SIK2: variants seen among roughly 807,000 people sequenced by gnomAD.
The protein encoded by SIK2 is serine/threonine-protein kinase SIK2.
A neutral mutation model predicts 103.2 loss-of-function variants in SIK2; 29 were observed. The observed-to-expected ratio is 0.28, with a 90% CI of 0.21 to 0.38. The LOEUF is 0.38. SIK2 is among the 10% of genes least tolerant of loss of function. The pLI is 1.00. For synonymous variants in SIK2, 412 were observed against 446.1 expected, an observed-to-expected ratio of 0.92 and a Z score of 0.96; for missense variants, 879 against 1,171.0, an observed-to-expected ratio of 0.75 and a Z score of 3.64.
chr11:111,650,884 G>A (rs1942317980), intron 3 of SIK2, among the ~76,000 whole-genome samples: 1 of 152,092 alleles, frequency 6.6e-6, no homozygotes, highest in Admixed American at 6.6e-5. Flanking sequence ...GGTCTTAGTA[G>A]GCATGAGTTT....
chr11:111,675,167 T>G (rs1420161166), intron 3 of SIK2, among the ~76,000 whole-genome samples: 1 of 152,170 alleles, frequency 6.6e-6, no homozygotes, highest in Non-Finnish European at 1.5e-5. Context: ...ATAATTGGGT[T>G]CAGATCTACT....
At chr11:111,603,986 T>C (rs1941617076) in intron 1 of SIK2, among the ~76,000 whole-genome samples, 1 of 152,272 alleles carries the variant, frequency 6.6e-6, no homozygotes, top group South Asian at 2.1e-4. Context: ...AAGGGGTATA[T>C]GTCATTCTGT....
chr11:111,605,369 G>A lies in SIK2; in HGVS notation c.135+2671G>A, dbSNP rs192538393. On this transcript the variant is annotated intron_variant, in intron 1 of 14. Transcript: ENST00000304987. ...GTTCATTCACTGGATAAATGTTTGT[G>A]TGTTTTTGATAAATACAACTACCTT... Among the ~76,000 whole-genome samples, 374 of 152,204 alleles carry A rather than the reference G, an allele frequency of 2.5e-3. 1 individual carries two copies. Among genetic ancestry groups the A allele is most frequent in the Non-Finnish European group, 4.3e-3 (294 of 67,994 alleles).
chr11:111,625,517 G>T (rs996321234), intron 3 of SIK2, among the ~76,000 whole-genome samples: 1 of 152,180 alleles, frequency 6.6e-6, no homozygotes, highest in South Asian at 2.1e-4. Context: ...GAAACTAGCA[G>T]AAGAGACAGA....
chr11:111,646,309 TGTG>T (rs1942256864), intron 3 of SIK2, among the ~76,000 whole-genome samples: 1 of 151,720 alleles, frequency 6.6e-6, no homozygotes, highest in South Asian at 2.1e-4. Flanking sequence ...ATTAGCTAGG[TGTG>T]GTGGCGCATG....
At chr11:111,624,007 C>A (rs1941928821) in intron 3 of SIK2, among the ~76,000 whole-genome samples, 1 of 152,176 alleles carries the variant, frequency 6.6e-6, no homozygotes, top group Non-Finnish European at 1.5e-5. Flanking sequence ...GGTTCACTTT[C>A]CTTTGCCTGA....
At position 111,673,049 on chromosome 11, in the gene SIK2, C is replaced by G. The variant is rs117784731; in HGVS notation, c.317-14952C>G. On this transcript the variant is annotated intron_variant, in intron 3 of 14. Coordinates refer to ENST00000304987, the MANE Select transcript of SIK2 (RefSeq NM_015191.3). ...TAACTGGTTAACTACACTTGTGGTT[C>G]AAGACTAACCACTTAAACCACCTGG... Among the ~76,000 whole-genome samples the G allele has an allele frequency of 6.6e-3, 1,010 of 152,268 alleles. 8 individuals carry two copies. Among genetic ancestry groups the G allele is most frequent in the Middle Eastern group, 0.061 (18 of 294 alleles).
At chr11:111,678,484 A>T (rs537818187) in intron 3 of SIK2, among the ~76,000 whole-genome samples, 2 of 152,226 alleles carry the variant, frequency 1.3e-5, no homozygotes, top group Admixed American at 6.5e-5. Context: ...TTGACCTGAA[A>T]AAAAGTCAGG....
intron 4 of SIK2, among the ~76,000 whole-genome samples, chr11:111,693,142 G>T (rs1243102535): frequency 6.6e-6 from 1 of 152,048 alleles, no homozygotes; most frequent in African/African-American, 2.4e-5. Flanking sequence ...GACCATCCTG[G>T]CCAACATGGT....
chr11:111,619,346 C>G (rs1386724653), intron 2 of SIK2, among the ~76,000 whole-genome samples: 2 of 152,050 alleles, frequency 1.3e-5, no homozygotes, highest in African/African-American at 4.8e-5. Flanking sequence ...AATTGTTCAT[C>G]TTGAATCTAA....
chr11:111,668,177 G>GGGGGGTGT (rs72041846), intron 3 of SIK2, among the ~76,000 whole-genome samples: 5 of 129,858 alleles, frequency 3.9e-5, no homozygotes, highest in African/African-American at 1.1e-4. Flanking sequence ...ACTAAAGTAA[G>GGGGGGTGT]GAGTGTGTGT....
At chr11:111,612,915 G>GGTATATAT (rs1941745503) in intron 1 of SIK2, among the ~76,000 whole-genome samples, 1 of 50,028 alleles carries the variant, frequency 2.0e-5, no homozygotes, top group African/African-American at 6.3e-5. Flanking sequence ...ATAGCAATGG[G>GGTATATAT]ATATATATAT....
At chr11:111,687,208 T>C (rs1942857516) in intron 3 of SIK2, among the ~76,000 whole-genome samples, 1 of 152,104 alleles carries the variant, frequency 6.6e-6, no homozygotes, top group Non-Finnish European at 1.5e-5. Context: ...TGGACTCCAG[T>C]GAAATATGAT....
Position 111,720,591 on chromosome 11 carries a change from G to A in SIK2, c.1609G>A (p.Asp537Asn). 6.2e-7 allele frequency: 1 copy of A among 1,614,066 alleles called. No individual in the cohort carries two copies. Among genetic ancestry groups the A allele is most frequent in the Non-Finnish European group, 8.5e-7 (1 of 1,180,010 alleles). ...NFLEDNPSLKDIMLANQPSPR... is the reference protein window; with the variant it reads ...NFLEDNPSLKNIMLANQPSPR... ...TCTGGAAGACAACCCTTCCCTTAAG[G>A]ACATCATGTTAGCCAATCAGCCTTC... Residue 537 changes from aspartate (D) to asparagine (N), a missense_variant, in exon 11 of 15, where the codon GAC becomes AAC. This residue lies in a region of SIK2 where 222 missense variants were observed against 258.0 expected (regional missense o/e 0.86). Transcript: ENST00000304987.
intron 9 of SIK2, 114 bp downstream of exon 9, chr11:111,712,489 G>A: frequency 9.0e-7 from 1 of 1,108,286 alleles, no homozygotes; most frequent in Non-Finnish European, 1.3e-6. Flanking sequence ...AAGTCACTCA[G>A]GAGTGATGCT....
Position 111,724,665 on chromosome 11 carries a change from A to T in SIK2, c.*536A>T, listed in dbSNP as rs1353823013. On this transcript the variant is annotated 3_prime_UTR_variant, in exon 15 of 15. Coordinates refer to ENST00000304987, the MANE Select transcript of SIK2 (RefSeq NM_015191.3). Reference sequence around the variant, plus strand: ...TTGAATCCTAAGTTCTTAGCTGCTGATGCAAGTTGTCCCCCAAGGCCATCA... The same window carrying T: ...TTGAATCCTAAGTTCTTAGCTGCTGTTGCAAGTTGTCCCCCAAGGCCATCA... 1 of 156,922 alleles carries T rather than the reference A, an allele frequency of 6.4e-6. No individual in the cohort carries two copies. Among genetic ancestry groups the T allele is most frequent in the African/African-American group, 2.4e-5 (1 of 41,474 alleles). 9.7% of individuals were successfully genotyped at this position (156,922 alleles called of 1,614,324 possible).
intron 3 of SIK2, among the ~76,000 whole-genome samples, chr11:111,684,073 C>A (rs2135890168): frequency 6.6e-6 from 1 of 152,130 alleles, no homozygotes; most frequent in South Asian, 2.1e-4. Flanking sequence ...GAATTTAGAC[C>A]ATTTTTCTCA....
chr11:111,602,959 C>T lies in SIK2; in HGVS notation c.135+261C>T, dbSNP rs1242952778. On this transcript the variant is annotated intron_variant, in intron 1 of 14. Transcript: ENST00000304987. This position sits in a 1 kb window ranked among gnomAD's most constrained non-coding sequence, Gnocchi z 4.5. ...CGGGGCTTTGCTTTCCCCTACGCCA[C>T]CCCCGGTGGCCACCCGGAATTTCGC... Among the ~76,000 whole-genome samples the T allele has an allele frequency of 6.6e-6, 1 of 152,124 alleles. No homozygotes were observed.
chr11:111,667,487 T>TC lies in SIK2; in HGVS notation c.317-20513dup, dbSNP rs1942561167. Among the ~76,000 whole-genome samples, 3 of 135,908 alleles carry TC rather than the reference T, an allele frequency of 2.2e-5. No homozygotes were observed. The Admixed American group carries it at 2.5e-4, about 11-fold the overall frequency. 89.2% of individuals were successfully genotyped at this position (135,908 alleles called of 152,430 possible). A position where few individuals can be genotyped will look rare whatever the true frequency, so the allele number is the denominator to read the frequency against. On this transcript the variant is annotated intron_variant, in intron 3 of 14. Transcript: ENST00000304987. ...ACTGATCAATAGTTATTGTTGGTTA[T>TC]CTTTTTTTTTTTTTTTTTTTTTGAG...
Sources: gnomAD v4.1 joint callset for allele counts (sites outside exome capture counted in the v4.1 genomes callset) on GRCh38, gnomAD v4.1.1 for gene constraint, gnomAD v4.1.1 regional missense constraint, Gnocchi (gnomAD v3.1) non-coding constraint, MANE v1.5 for transcripts, NCBI Gene and HGNC (gene_info 2026-07-23, HGNC 2026-07-21) for gene names.